SPEN: variants seen among roughly 807,000 people sequenced by gnomAD.
SPEN encodes spen family transcriptional repressor, also known as msx2-interacting protein.
SPEN carries 18 observed loss-of-function variants against 269.9 expected under a neutral mutation model. That is an observed-to-expected ratio of 0.07 (90% confidence interval 0.05 to 0.10). The LOEUF (loss-of-function observed/expected upper bound fraction) is 0.10, where lower values mean the gene tolerates loss of function less well. Ranked by LOEUF, SPEN falls within the 10% of genes least tolerant of loss-of-function variation. The pLI is 1.00. For synonymous variants in SPEN, 1,726 were observed against 1,765.7 expected (o/e 0.98, Z 0.56); for missense variants, 3,822 against 4,631.2 (o/e 0.83, Z 5.07).
chr1:15,898,173 TTGTG>T (rs58297957), intron 3 of SPEN, among the ~76,000 whole-genome samples: 4,810 of 147,358 alleles, frequency 0.033, 129 homozygotes, highest in African/African-American at 0.075. Flanking sequence ...TAATTTATCT[TTGTG>T]TGTGTGTGTG....
At position 15,937,035 on chromosome 1, in the gene SPEN, G is replaced by A; in HGVS notation, c.10027-128G>A. ...AGCTCCGTTGATTCAGGCTCCTTCTGTGGGCCTGACTTAACGGGAGATGCC... is the reference window on the plus strand; with the variant it reads ...AGCTCCGTTGATTCAGGCTCCTTCTATGGGCCTGACTTAACGGGAGATGCC... On this transcript the variant is annotated intron_variant, in intron 11 of 14. Transcript: ENST00000375759. This position sits in a 1 kb window ranked among gnomAD's most constrained non-coding sequence, Gnocchi z 5.7. 1 of 1,371,276 alleles carries A rather than the reference G, an allele frequency of 7.3e-7. No individual in the cohort carries two copies. Among genetic ancestry groups the A allele is most frequent in the South Asian group, 1.4e-5 (1 of 71,618 alleles). The allele number at this position is 1,371,276 out of a possible 1,614,324, so 84.9% of individuals were successfully genotyped here. A position where few individuals can be genotyped will look rare whatever the true frequency, so the allele number is the denominator to read the frequency against.
In SPEN at chr1:15,933,756, G is replaced by C; in HGVS notation, c.7516G>C (p.Glu2506Gln). 1 of 1,614,006 alleles carries C rather than the reference G, an allele frequency of 6.2e-7. No individual in the cohort carries two copies. The highest frequency in any genetic ancestry group is 1.1e-5 in the South Asian group (1 of 91,078). The change falls in exon 11 of 15, where the codon GAG (glutamate) becomes CAG (glutamine). Residue 2506 changes from glutamate to glutamine, a missense_variant. Physicochemically the swap from Glu to Gln is conservative, Grantham distance 29 (BLOSUM62 2). Around this residue, in one of 16 missense-constraint regions of SPEN, gnomAD observed 727 missense variants for 737.9 expected, o/e 0.99. Transcript: ENST00000375759. This position sits in a 1 kb window ranked among gnomAD's most constrained non-coding sequence, Gnocchi z 5.7. ...TKVTEWITRQ[E>Q]EPRAQSTPSP... Reference sequence around the variant, plus strand: ...GGTGACAGAGTGGATCACAAGGCAGGAGGAGCCACGGGCTCAGTCTACTCC... The same window carrying C: ...GGTGACAGAGTGGATCACAAGGCAGCAGGAGCCACGGGCTCAGTCTACTCC...
chr1:15,852,130 A>T (rs2070342166), intron 1 of SPEN, among the ~76,000 whole-genome samples: 1 of 152,234 alleles, frequency 6.6e-6, no homozygotes, highest in African/African-American at 2.4e-5. Flanking sequence ...CTGGGACACA[A>T]TATAAAATAT....
chr1:15,890,529 C>A (rs555416042), intron 3 of SPEN, among the ~76,000 whole-genome samples: 253 of 149,398 alleles, frequency 1.7e-3, no homozygotes, highest in Non-Finnish European at 3.0e-3. Context: ...CGTGCCCGGC[C>A]TGGTTGATAT....
At chr1:15,922,724 G>C (rs2071131412) in intron 10 of SPEN, among the ~76,000 whole-genome samples, 1 of 152,062 alleles carries the variant, frequency 6.6e-6, no homozygotes, top group South Asian at 2.1e-4. Flanking sequence ...ATAGGCTCAA[G>C]TGATCCTCAC....
chr1:15,921,284 C>G (rs558250718), intron 9 of SPEN, among the ~76,000 whole-genome samples: 9 of 152,290 alleles, frequency 5.9e-5, no homozygotes, highest in African/African-American at 2.2e-4. Context: ...GTGCTGAGAT[C>G]ATGCCGTTGC....
intron 1 of SPEN, among the ~76,000 whole-genome samples, chr1:15,854,126 T>C (rs1318452895): frequency 6.6e-6 from 1 of 152,086 alleles, no homozygotes; most frequent in Non-Finnish European, 1.5e-5. Flanking sequence ...TTAAAACATT[T>C]TTAGTGTTAG....
chr1:15,869,745 G>A (rs2070554496), intron 1 of SPEN, among the ~76,000 whole-genome samples: 3 of 152,118 alleles, frequency 2.0e-5, no homozygotes, highest in African/African-American at 4.8e-5. Flanking sequence ...GTGCCACCAC[G>A]TGGCGTGTTG....
At position 15,929,039 on chromosome 1, in the gene SPEN, A is replaced by G. The variant is rs761355615; in HGVS notation, c.2799A>G (p.Glu933=). ...CAAAATCTGACTTGTCTAAACTGGA[A>G]TCAGTTAGAATGAAAGTACCAAAGG... The part of the protein sequence containing the change: ...EPAKSDLSKL[E]SVRMKVPKEK... Residue 933 remains glutamate (E), a synonymous_variant, in exon 11 of 15, where the codon GAA becomes GAG. Coordinates refer to ENST00000375759, the MANE Select transcript of SPEN (RefSeq NM_015001.3). The surrounding 1 kb of genome is among the most constrained non-coding windows in gnomAD (Gnocchi z 5.8). 5 of 1,614,188 alleles carry G rather than the reference A, an allele frequency of 3.1e-6. No homozygotes were observed. The East Asian group carries it at 1.1e-4, about 36-fold the overall frequency.
chr1:15,913,176 C>T, intron 5 of SPEN, among the ~76,000 whole-genome samples: 1 of 152,110 alleles, frequency 6.6e-6, no homozygotes, highest in Non-Finnish European at 1.5e-5. Flanking sequence ...GAGCTGATTG[C>T]TTAGGTCAAG....
intron 3 of SPEN, among the ~76,000 whole-genome samples, chr1:15,892,348 A>G (rs1165422129): frequency 1.3e-5 from 2 of 152,110 alleles, no homozygotes; most frequent in Non-Finnish European, 2.9e-5. Flanking sequence ...TTAAAATATG[A>G]CTATTTGAAA....
intron 1 of SPEN, among the ~76,000 whole-genome samples, chr1:15,855,505 T>C (rs1488595140): frequency 6.6e-6 from 1 of 152,180 alleles, no homozygotes; most frequent in Non-Finnish European, 1.5e-5. Flanking sequence ...TAGCGATTTG[T>C]CTTTTACCAA....
chr1:15,912,192 A>G (rs1313779735), intron 5 of SPEN, among the ~76,000 whole-genome samples: 6 of 152,174 alleles, frequency 3.9e-5, no homozygotes, highest in Non-Finnish European at 8.8e-5. Flanking sequence ...AAGGCAGGAA[A>G]TCTTCTCACA....
At chr1:15,862,311 C>T (rs2070456404) in intron 1 of SPEN, among the ~76,000 whole-genome samples, 1 of 152,098 alleles carries the variant, frequency 6.6e-6, no homozygotes, top group East Asian at 1.9e-4. Context: ...TCAGTTCTTC[C>T]TAGAAAAGTA....
At chr1:15,863,014 G>GCCTC (rs1314004798) in intron 1 of SPEN, among the ~76,000 whole-genome samples, 1 of 152,104 alleles carries the variant, frequency 6.6e-6, no homozygotes, top group African/African-American at 2.4e-5. Context: ...GCCTACCTCA[G>GCCTC]CCTCCCAAAG....
rs546449426 is a variant in SPEN at position 15,939,552 on chromosome 1, G to A, written c.*125G>A. The stretch of plus-strand genomic sequence containing the variant: ...AGACTCCACTGCCAGACGGCCAGCC[G>A]TTTGCTGTCCTGCCGCCCGGCTCAG... On this transcript the variant is annotated 3_prime_UTR_variant, in exon 15 of 15. Coordinates refer to ENST00000375759, the MANE Select transcript of SPEN (RefSeq NM_015001.3). This position sits in a 1 kb window ranked among gnomAD's most constrained non-coding sequence, Gnocchi z 4.1. 9.5e-5 allele frequency: 118 copies of A among 1,244,282 alleles called. No homozygotes were observed. In the African/African-American group the frequency reaches 1.5e-3, roughly 16 times the overall value. 77.1% of individuals were successfully genotyped at this position (1,244,282 alleles called of 1,614,324 possible).
chr1:15,863,593 C>A (rs890140592), intron 1 of SPEN, among the ~76,000 whole-genome samples: 1 of 152,100 alleles, frequency 6.6e-6, no homozygotes, highest in African/African-American at 2.4e-5. Context: ...GTAATCCCAG[C>A]ACTTTGGGAG....
In SPEN at chr1:15,930,964, C is replaced by T; in HGVS notation, c.4724C>T (p.Ser1575Phe). ...TSEGANSTTD[S>F]IQEPVVLFHS... ...GAGGGAGCAAACAGCACAACTGATT[C>T]CATTCAAGAACCAGTAGTTCTGTTC... Residue 1575 changes from serine to phenylalanine, a missense_variant, in exon 11 of 15, where the codon TCC (serine) becomes TTC (phenylalanine). Physicochemically the swap from Ser to Phe is radical, Grantham distance 155. Around this residue, in one of 16 missense-constraint regions of SPEN, gnomAD observed 533 missense variants for 618.8 expected, o/e 0.86. Coordinates refer to ENST00000375759, the MANE Select transcript of SPEN (RefSeq NM_015001.3). The surrounding 1 kb of genome is among the most constrained non-coding windows in gnomAD (Gnocchi z 5.3). 1 of 1,614,122 alleles carries T rather than the reference C, an allele frequency of 6.2e-7. No individual in the cohort carries two copies. Among genetic ancestry groups the T allele is most frequent in the Non-Finnish European group, 8.5e-7 (1 of 1,180,034 alleles).
In SPEN at chr1:15,909,474, C is replaced by T. The variant is rs1197661277; in HGVS notation, c.1035C>T (p.Arg345=). 2 of 1,613,692 alleles carry T rather than the reference C, an allele frequency of 1.2e-6. No individual in the cohort carries two copies. The highest frequency in any genetic ancestry group is 4.5e-5 in the East Asian group (2 of 44,896). Residue 345 remains arginine, a synonymous_variant, in exon 4 of 15, where the codon CGC becomes CGT. Coordinates refer to ENST00000375759, the MANE Select transcript of SPEN (RefSeq NM_015001.3). ...FGIKVQNLPV[R]STDTSLKDGL... Reference sequence around the variant, plus strand: ...TCAAGGTCCAGAATCTTCCAGTACGCTCTACAGGTAAAATTTTGTGTGAAT... The same window carrying T: ...TCAAGGTCCAGAATCTTCCAGTACGTTCTACAGGTAAAATTTTGTGTGAAT...
Sources: gnomAD v4.1 joint callset for allele counts (sites outside exome capture counted in the v4.1 genomes callset) on GRCh38, gnomAD v4.1.1 for gene constraint, gnomAD v4.1.1 regional missense constraint, Gnocchi (gnomAD v3.1) non-coding constraint, MANE v1.5 for transcripts, NCBI Gene and HGNC (gene_info 2026-07-23, HGNC 2026-07-21) for gene names.